PCDHA9: variants seen among roughly 807,000 people sequenced by gnomAD.
The protein encoded by PCDHA9 is protocadherin alpha 9, also known as protocadherin alpha-9.
Under a neutral mutation model 62.0 loss-of-function variants are expected in PCDHA9, and 62 were observed. The observed-to-expected ratio is 1.00, with a 90% CI of 0.81 to 1.23. The LOEUF (loss-of-function observed/expected upper bound fraction) is 1.23. Among genes scored for constraint, PCDHA9 ranks in the 50% most tolerant of loss-of-function variants. The probability of loss-of-function intolerance (pLI) is 0.00; values close to 1 mark genes in which losing one functional copy is unlikely to be tolerated. For missense variants in PCDHA9, 1,205 were observed against 1,249.8 expected, an observed-to-expected ratio of 0.96 and a Z score of 0.54; for synonymous variants, 557 against 567.6, an observed-to-expected ratio of 0.98 and a Z score of 0.27.
chr5:140,908,763 G>A (rs1159029668), intron 1 of PCDHA9, among the ~76,000 whole-genome samples: 5 of 152,284 alleles, frequency 3.3e-5, no homozygotes, highest in East Asian at 3.9e-4. Context: ...CAGCCTGGAC[G>A]TGTTGTAGAG....
chr5:140,916,584 G>T (rs1257440146), intron 1 of PCDHA9, among the ~76,000 whole-genome samples: 1 of 152,186 alleles, frequency 6.6e-6, no homozygotes, highest in Non-Finnish European at 1.5e-5. Flanking sequence ...TGTCATCCAT[G>T]AGCTAGGGCC....
intron 1 of PCDHA9, chr5:140,883,270 T>C: frequency 6.2e-7 from 1 of 1,614,106 alleles, no homozygotes; most frequent in Non-Finnish European, 8.5e-7. Flanking sequence ...CGGGTCATTG[T>C]ACCCTTTTGG....
chr5:140,876,806 T>C (rs1554168956), intron 1 of PCDHA9: 2 of 1,613,976 alleles, frequency 1.2e-6, no homozygotes, highest in South Asian at 2.2e-5. Context: ...TCCGTGGAGG[T>C]GGCCGACGTG....
chr5:140,998,679 C>G (rs969303770), intron 3 of PCDHA9, among the ~76,000 whole-genome samples: 1 of 152,136 alleles, frequency 6.6e-6, no homozygotes, highest in Non-Finnish European at 1.5e-5. Flanking sequence ...ATTCTCCTGC[C>G]TCAGCCTCCC....
At chr5:140,915,572 C>A (rs2077180575) in intron 1 of PCDHA9, among the ~76,000 whole-genome samples, 1 of 151,988 alleles carries the variant, frequency 6.6e-6, no homozygotes, top group Non-Finnish European at 1.5e-5. Flanking sequence ...ATCTGGATTG[C>A]CAGGCAAAAG....
chr5:140,876,233 A>G, intron 1 of PCDHA9: 1 of 1,614,016 alleles, frequency 6.2e-7, no homozygotes, highest in Non-Finnish European at 8.5e-7. Context: ...TTGTCTGAAA[A>G]TGTCCAAAAC....
At chr5:140,935,981 C>T (rs1206046231) in intron 1 of PCDHA9, among the ~76,000 whole-genome samples, 2 of 151,096 alleles carry the variant, frequency 1.3e-5, no homozygotes, top group Non-Finnish European at 2.9e-5. Context: ...CAATCTCTGC[C>T]TCCCGGGTTC....
At chr5:140,940,499 G>T (rs190058542) in intron 1 of PCDHA9, among the ~76,000 whole-genome samples, 3 of 151,756 alleles carry the variant, frequency 2.0e-5, no homozygotes, top group Non-Finnish European at 4.4e-5. Flanking sequence ...GTCTTGCTCC[G>T]TCGCTCAGGC....
At chr5:140,937,788 T>C (rs2091751340) in intron 1 of PCDHA9, among the ~76,000 whole-genome samples, 1 of 149,320 alleles carries the variant, frequency 6.7e-6, no homozygotes, top group African/African-American at 2.5e-5. Flanking sequence ...GGCGGGCGTA[T>C]GTAGTCCCAG....
At position 141,010,692 on chromosome 5, in the gene PCDHA9, G is replaced by A. The variant is rs1415098319; in HGVS notation, c.*755G>A. The A allele has an allele frequency of 1.9e-5, 3 of 159,998 alleles. No homozygotes were observed. The highest frequency in any genetic ancestry group is 7.2e-5 in the African/African-American group (3 of 41,584). 9.9% of individuals were successfully genotyped at this position (159,998 alleles called of 1,614,324 possible). On this transcript the variant is annotated 3_prime_UTR_variant, in exon 4 of 4. Coordinates refer to ENST00000532602, the MANE Select transcript of PCDHA9 (RefSeq NM_031857.2). ...TGGGAAACAGAAGCAGATCTGATGT[G>A]TTTCCTATACATGTCCTGTGCTCAC...
chr5:140,884,409 C>T, intron 1 of PCDHA9: 4 of 1,613,992 alleles, frequency 2.5e-6, no homozygotes, highest in Non-Finnish European at 3.4e-6. Context: ...TTGGTGCTCA[C>T]GTTGCTGCTG....
chr5:140,884,821 G>T (rs1470699415), intron 1 of PCDHA9: 1 of 1,011,638 alleles, frequency 9.9e-7, no homozygotes, highest in Admixed American at 3.4e-5. Context: ...TGGACATTAT[G>T]TGTTGGATTA....
intron 1 of PCDHA9, among the ~76,000 whole-genome samples, chr5:140,952,031 A>G (rs782611414): frequency 1.6e-4 from 24 of 152,232 alleles, no homozygotes; most frequent in Admixed American, 4.6e-4. Context: ...TCCGAAATCC[A>G]GTAGGGCAGT....
Position 141,010,456 on chromosome 5 carries a change from TATC to T in PCDHA9, c.*521_*523del. The T allele has an allele frequency of 1.1e-6, 1 of 877,088 alleles. No individual in the cohort carries two copies. The highest frequency in any genetic ancestry group is 3.0e-5 in the Admixed American group (1 of 33,582). The allele number at this position is 877,088 out of a possible 1,614,324, so 54.3% of individuals were successfully genotyped here. On this transcript the variant is annotated 3_prime_UTR_variant, in exon 4 of 4. Transcript: ENST00000532602. ...ACAAAGACAAATAAACAGCGGAAGT[TATC>T]AGTATGGAGGGGAAGTGTAAACTTA... is the stretch of plus-strand genomic sequence containing the variant.
At chr5:140,945,131 A>C (rs1484443084) in intron 1 of PCDHA9, among the ~76,000 whole-genome samples, 1 of 152,202 alleles carries the variant, frequency 6.6e-6, no homozygotes, top group Non-Finnish European at 1.5e-5. Context: ...CAACTTACAA[A>C]AATCAATAGC....
At chr5:140,936,849 G>A (rs927747848) in intron 1 of PCDHA9, among the ~76,000 whole-genome samples, 1 of 152,006 alleles carries the variant, frequency 6.6e-6, no homozygotes, top group Non-Finnish European at 1.5e-5. Context: ...TGTAGATTCA[G>A]CTTCTCAGTT....
intron 3 of PCDHA9, among the ~76,000 whole-genome samples, chr5:140,986,365 C>T (rs530102099): frequency 2.0e-5 from 3 of 152,194 alleles, no homozygotes; most frequent in Non-Finnish European, 2.9e-5. Flanking sequence ...TGGAGGAATG[C>T]GTTTTGGGGG....
At chr5:140,864,663 C>G (rs75209206) in intron 1 of PCDHA9, 1 of 152,176 alleles carries the variant, frequency 6.6e-6, no homozygotes, top group African/African-American at 2.4e-5. Flanking sequence ...ACTTAATTAC[C>G]TGTTGACTTA....
At chr5:140,884,536 G>A in intron 1 of PCDHA9, 11 of 1,614,090 alleles carry the variant, frequency 6.8e-6, no homozygotes, top group African/African-American at 1.3e-5. Context: ...AGAGGCGGCC[G>A]AGGGTGTGCT....
Sources: gnomAD v4.1 joint callset for allele counts (sites outside exome capture counted in the v4.1 genomes callset) on GRCh38, gnomAD v4.1.1 for gene constraint, MANE v1.5 for transcripts, NCBI Gene and HGNC (gene_info 2026-07-23, HGNC 2026-07-21) for gene names.